CSMD1: variants seen among roughly 807,000 people sequenced by gnomAD.
CSMD1 encodes the protein CUB and sushi domain-containing protein 1.
A neutral mutation model predicts 417.5 loss-of-function variants in CSMD1; 213 were observed. The ratio of observed to expected loss-of-function variants is 0.51; its 90% CI spans 0.46 to 0.57. The LOEUF is 0.57. Among genes scored for constraint, CSMD1 ranks in the 20% least tolerant of loss-of-function variants. CSMD1 has a pLI of 0.00. For missense variants in CSMD1, 6,923 were observed against 4,529.7 expected (o/e 1.53, Z -15.17); for synonymous variants, 2,862 against 1,736.8 (o/e 1.65, Z -16.11).
chr8:4,134,222 T>C (rs1218841724), intron 3 of CSMD1, among the ~76,000 whole-genome samples: 1 of 152,208 alleles, frequency 6.6e-6, no homozygotes. Flanking sequence ...CGCTGAATTG[T>C]GTCTCCCCAG....
At chr8:4,243,654 CAT>C (rs1294229368) in intron 3 of CSMD1, among the ~76,000 whole-genome samples, 1 of 152,070 alleles carries the variant, frequency 6.6e-6, no homozygotes, top group Non-Finnish European at 1.5e-5. Flanking sequence ...TCTTAAAACA[CAT>C]GTGTGATATT....
At chr8:4,762,675 CA>C (rs1252595465) in intron 1 of CSMD1, among the ~76,000 whole-genome samples, 1 of 152,112 alleles carries the variant, frequency 6.6e-6, no homozygotes, top group Non-Finnish European at 1.5e-5. Context: ...GGTTCTCTAT[CA>C]ATAAGGTCAT....
intron 3 of CSMD1, among the ~76,000 whole-genome samples, chr8:4,356,333 C>T (rs1013925543): frequency 2.0e-5 from 3 of 151,990 alleles, no homozygotes; most frequent in Middle Eastern, 3.4e-3. Context: ...ATGTAATACA[C>T]ACACACACAC....
At chr8:4,145,726 T>C (rs1296207606) in intron 3 of CSMD1, among the ~76,000 whole-genome samples, 3 of 150,990 alleles carry the variant, frequency 2.0e-5, no homozygotes, top group Non-Finnish European at 4.4e-5. Context: ...TATATTTGAC[T>C]TGTCCCAAGG....
chr8:4,177,551 C>A (rs1472661899), intron 3 of CSMD1, among the ~76,000 whole-genome samples: 4 of 151,950 alleles, frequency 2.6e-5, no homozygotes, highest in Admixed American at 6.6e-5. Context: ...ACATTCAAAG[C>A]TAGCAGAAGG....
chr8:3,594,379 T>G (rs1017603492), intron 8 of CSMD1, among the ~76,000 whole-genome samples: 1 of 152,168 alleles, frequency 6.6e-6, no homozygotes, highest in African/African-American at 2.4e-5. Flanking sequence ...AAACTGAAAT[T>G]TGGGTTACGT....
intron 3 of CSMD1, among the ~76,000 whole-genome samples, chr8:4,285,708 A>G (rs929732063): frequency 6.6e-6 from 1 of 152,130 alleles, no homozygotes; most frequent in African/African-American, 2.4e-5. Context: ...AACTAGTAAA[A>G]CAGTCAGGGC....
chr8:4,258,840 C>A (rs1320187259), intron 3 of CSMD1, among the ~76,000 whole-genome samples: 6 of 152,122 alleles, frequency 3.9e-5, no homozygotes, highest in African/African-American at 1.4e-4. Flanking sequence ...GAGCCCCACT[C>A]CTCATGGACA....
chr8:4,127,663 C>G (rs567092759), intron 3 of CSMD1, among the ~76,000 whole-genome samples: 1 of 151,980 alleles, frequency 6.6e-6, no homozygotes, highest in Non-Finnish European at 1.5e-5. Flanking sequence ...TTTACTTAGA[C>G]TACTTATAAG....
rs939069021 is a variant in CSMD1 at position 4,586,037 on chromosome 8, T to C, written c.302+51305A>G. Among the ~76,000 whole-genome samples, 3 of 152,222 alleles carry C rather than the reference T, an allele frequency of 2.0e-5. No individual in the cohort carries two copies. In the East Asian group the frequency reaches 5.8e-4, roughly 29 times the overall value. On this transcript the variant is annotated intron_variant, in intron 2 of 69. Transcript: ENST00000635120. ...TACCTTTTTCATTATTATGCGCATG[T>C]AATGGTTGTACGTATACATGGAGTA... is the stretch of plus-strand genomic sequence containing the variant.
chr8:4,342,705 G>A (rs1018501087), intron 3 of CSMD1, among the ~76,000 whole-genome samples: 1 of 152,058 alleles, frequency 6.6e-6, no homozygotes, highest in Non-Finnish European at 1.5e-5. Flanking sequence ...TGATTCCCAG[G>A]AGGTTAGCAA....
At chr8:3,811,822 G>C (rs1359574826) in intron 5 of CSMD1, among the ~76,000 whole-genome samples, 1 of 152,154 alleles carries the variant, frequency 6.6e-6, no homozygotes, top group Non-Finnish European at 1.5e-5. Context: ...GCAACTTTAA[G>C]GGTGTTCATC....
At chr8:3,705,364 G>C (rs1350218652) in intron 7 of CSMD1, among the ~76,000 whole-genome samples, 4 of 152,166 alleles carry the variant, frequency 2.6e-5, no homozygotes, top group Non-Finnish European at 5.9e-5. Flanking sequence ...TCCATACCCT[G>C]GTGCTTCCCA....
At chr8:3,606,383 T>C (rs1801614420) in intron 8 of CSMD1, among the ~76,000 whole-genome samples, 1 of 152,180 alleles carries the variant, frequency 6.6e-6, no homozygotes, top group South Asian at 2.1e-4. Flanking sequence ...CATGTTACTG[T>C]ACTGAGTACT....
intron 3 of CSMD1, among the ~76,000 whole-genome samples, chr8:4,151,886 A>G (rs1796589010): frequency 6.6e-6 from 1 of 152,180 alleles, no homozygotes; most frequent in Non-Finnish European, 1.5e-5. Flanking sequence ...CACATTAAAT[A>G]TTAGAGGGCA....
At chr8:4,791,511 A>G (rs1427374909) in intron 1 of CSMD1, among the ~76,000 whole-genome samples, 1 of 152,188 alleles carries the variant, frequency 6.6e-6, no homozygotes, top group Admixed American at 6.5e-5. Context: ...CAAACAATCC[A>G]ATCCCCTAAA....
intron 3 of CSMD1, among the ~76,000 whole-genome samples, chr8:4,408,242 TTC>T (rs1177129043): frequency 6.6e-6 from 1 of 152,188 alleles, no homozygotes; most frequent in Non-Finnish European, 1.5e-5. Flanking sequence ...TTGGTGGTGT[TTC>T]TCTCTCCTCA....
At chr8:3,956,169 G>C (rs1811932584) in intron 5 of CSMD1, among the ~76,000 whole-genome samples, 1 of 120,088 alleles carries the variant, frequency 8.3e-6, no homozygotes. Flanking sequence ...ATGCAAAAAG[G>C]TTGTACAATT....
intron 1 of CSMD1, among the ~76,000 whole-genome samples, chr8:4,694,268 T>C (rs1039204102): frequency 1.3e-5 from 2 of 151,958 alleles, no homozygotes; most frequent in Non-Finnish European, 2.9e-5. Flanking sequence ...GTCTCCTATC[T>C]ACCTATGACA....
Sources: allele counts gnomAD v4.1 joint callset (sites outside exome capture counted in the v4.1 genomes callset), GRCh38; gene constraint gnomAD v4.1.1; transcripts MANE v1.5; gene names NCBI Gene and HGNC (gene_info 2026-07-23, HGNC 2026-07-21).